Variants in RGS7 observed in about 807,000 individuals in gnomAD.
RGS7 encodes the protein regulator of G protein signaling 7.
RGS7 carries 27 observed loss-of-function variants against 81.1 expected under a neutral mutation model. The ratio of observed to expected loss-of-function variants is 0.33; its 90% confidence interval spans 0.25 to 0.46. The LOEUF (loss-of-function observed/expected upper bound fraction) is 0.46. Ranked by LOEUF, RGS7 falls within the 20% of genes least tolerant of loss-of-function variation. The pLI is 1.00. For missense variants in RGS7, 396 were observed against 607.4 expected (o/e 0.65, Z 3.66); for synonymous variants, 208 against 207.7 (o/e 1.00, Z -0.01).
chr1:241,210,742 G>C (rs2074197874), intron 2 of RGS7, among the ~76,000 whole-genome samples: 1 of 152,234 alleles, frequency 6.6e-6, no homozygotes, highest in Non-Finnish European at 1.5e-5. Flanking sequence ...AAGCTTTCTA[G>C]TGGGATTGCT....
chr1:241,046,248 A>G (rs1355352361), intron 3 of RGS7, among the ~76,000 whole-genome samples: 2 of 152,064 alleles, frequency 1.3e-5, no homozygotes, highest in Non-Finnish European at 2.9e-5. Context: ...GGTACAAATG[A>G]TCCCATCAAC....
At chr1:240,816,240 C>T (rs911582370) in intron 11 of RGS7, 77 bp downstream of exon 11, 1 of 894,372 alleles carries the variant, frequency 1.1e-6, no homozygotes, top group Non-Finnish European at 1.9e-6. Context: ...AAAATACCCA[C>T]TATTAACATT....
rs150822027 is a variant in RGS7 at position 241,113,889 on chromosome 1, ACTTT to A, written c.79-15131_79-15128del. 6.8e-3 allele frequency among the ~76,000 whole-genome samples: 1,031 copies of A among 152,236 alleles called. 5 individuals carry two copies. The highest frequency in any genetic ancestry group is 9.4e-3 in the Non-Finnish European group (642 of 68,000). The stretch of plus-strand genomic sequence containing the variant: ...TCTTCTTTTCTCTGGAGCTATTAAG[ACTTT>A]CTTTATTCCCTACTTATGACACACT... On this transcript the variant is annotated intron_variant, in intron 2 of 18. Coordinates refer to ENST00000440928, the MANE Select transcript of RGS7 (RefSeq NM_001364886.1).
At chr1:241,056,070 C>G (rs748804570) in intron 3 of RGS7, among the ~76,000 whole-genome samples, 1 of 152,162 alleles carries the variant, frequency 6.6e-6, no homozygotes, top group Non-Finnish European at 1.5e-5. Flanking sequence ...TGATCTGGCC[C>G]ATGACTACCT....
At chr1:240,803,515 A>G (rs962824388) in intron 15 of RGS7, among the ~76,000 whole-genome samples, 4 of 152,118 alleles carry the variant, frequency 2.6e-5, no homozygotes, top group East Asian at 3.9e-4. Flanking sequence ...CACAAGTCCA[A>G]AAATAAATTT....
At position 241,052,739 on chromosome 1, in the gene RGS7, C is replaced by T. The variant is rs78321432; in HGVS notation, c.175+45927G>A. Among the ~76,000 whole-genome samples the T allele has an allele frequency of 7.9e-3, 1,204 of 151,542 alleles. 24 individuals carry two copies. Among genetic ancestry groups the T allele is most frequent in the African/African-American group, 0.027 (1,121 of 41,286 alleles). ...TATTGAACTAATAGCTATTCCCTGA[C>T]GCAAAGCAATTTTCTCGGAGGAAAT... is the stretch of plus-strand genomic sequence containing the variant. On this transcript the variant is annotated intron_variant, in intron 3 of 18. Transcript: ENST00000440928.
chr1:241,004,552 T>C (rs1314223846), intron 3 of RGS7, among the ~76,000 whole-genome samples: 3 of 152,140 alleles, frequency 2.0e-5, no homozygotes, highest in African/African-American at 2.4e-5. Context: ...ACGAACTTAA[T>C]GTGTATATGG....
At chr1:241,201,061 T>C (rs546210656) in intron 2 of RGS7, among the ~76,000 whole-genome samples, 13 of 152,330 alleles carry the variant, frequency 8.5e-5, no homozygotes, top group African/African-American at 3.1e-4. Context: ...ATTCTTTACT[T>C]TGATTACCAC....
At chr1:240,928,234 C>G (rs78318780) in intron 6 of RGS7, among the ~76,000 whole-genome samples, 2,886 of 152,266 alleles carry the variant, frequency 0.019, 45 homozygotes, top group African/African-American at 0.041. Context: ...TGTGGCCACC[C>G]AAGACCACGC....
At chr1:241,048,587 G>C (rs1474320841) in intron 3 of RGS7, among the ~76,000 whole-genome samples, 1 of 152,134 alleles carries the variant, frequency 6.6e-6, no homozygotes, top group Non-Finnish European at 1.5e-5. Flanking sequence ...AAATAAGTCT[G>C]TTTTATTTAA....
intron 3 of RGS7, among the ~76,000 whole-genome samples, chr1:241,017,439 C>CAA (rs554731685): frequency 0.17 from 12,123 of 72,764 alleles, 870 homozygotes; most frequent in African/African-American, 0.23. Context: ...CACTCTGTCT[C>CAA]AAAAAAAAAA....
chr1:240,803,790 A>G (rs1390992897), intron 15 of RGS7, among the ~76,000 whole-genome samples: 2 of 152,060 alleles, frequency 1.3e-5, no homozygotes, highest in Admixed American at 6.6e-5. Flanking sequence ...CTCTAGTGAA[A>G]TATCAGTTAG....
chr1:241,352,331 G>A (rs1282459297), intron 2 of RGS7, among the ~76,000 whole-genome samples: 1 of 152,058 alleles, frequency 6.6e-6, no homozygotes, highest in East Asian at 1.9e-4. Flanking sequence ...GACTGAAGGA[G>A]GCCTAAAAAG....
intron 5 of RGS7, 96 bp from the exon 6 acceptor site, chr1:240,930,864 T>C: frequency 1.7e-6 from 2 of 1,175,570 alleles, no homozygotes; most frequent in South Asian, 2.4e-5. Context: ...CAATTCTCTA[T>C]ATTAGTTTGC....
intron 6 of RGS7, among the ~76,000 whole-genome samples, chr1:240,885,757 G>A (rs556499624): frequency 1.3e-5 from 2 of 152,272 alleles, no homozygotes; most frequent in South Asian, 4.1e-4. Flanking sequence ...AGAGTGGAGG[G>A]TGGGAGGAGG....
intron 2 of RGS7, among the ~76,000 whole-genome samples, chr1:241,237,006 C>T (rs1017342827): frequency 4.6e-5 from 7 of 152,108 alleles, no homozygotes; most frequent in Non-Finnish European, 8.8e-5. Flanking sequence ...AAATGTACAG[C>T]GAGCCCTTGT....
chr1:240,835,601 C>T (rs1039194454), intron 9 of RGS7, among the ~76,000 whole-genome samples: 2 of 152,150 alleles, frequency 1.3e-5, no homozygotes, highest in South Asian at 2.1e-4. Context: ...CAAATTGAGT[C>T]GAAAACTTAT....
At chr1:240,921,207 T>C (rs924888241) in intron 6 of RGS7, among the ~76,000 whole-genome samples, 3 of 152,030 alleles carry the variant, frequency 2.0e-5, no homozygotes, top group African/African-American at 7.2e-5. Flanking sequence ...TAAAAATGAG[T>C]GTTGGCACAT....
chr1:241,112,358 G>A (rs1020606465), intron 2 of RGS7, among the ~76,000 whole-genome samples: 2 of 152,068 alleles, frequency 1.3e-5, no homozygotes, highest in African/African-American at 4.8e-5. Context: ...CATCACCACC[G>A]TATATATGAT....
Sources: allele counts gnomAD v4.1 joint callset (sites outside exome capture counted in the v4.1 genomes callset), GRCh38; gene constraint gnomAD v4.1.1; transcripts MANE v1.5; gene names NCBI Gene and HGNC (gene_info 2026-07-23, HGNC 2026-07-21).